Variants in C2CD3 observed in about 807,000 individuals in gnomAD.
C2CD3 encodes C2 domain-containing protein 3.
A neutral mutation model predicts 234.0 loss-of-function variants in C2CD3; 148 were observed. The observed-to-expected ratio is 0.63, with a 90% CI of 0.55 to 0.72. The LOEUF is 0.72. Ranked by LOEUF, C2CD3 falls within the 30% of genes least tolerant of loss-of-function variation. The pLI is 0.00. For missense variants in C2CD3, 2,577 were observed against 2,811.5 expected, an observed-to-expected ratio of 0.92 and a Z score of 1.89; for synonymous variants, 1,000 against 1,035.4, an observed-to-expected ratio of 0.97 and a Z score of 0.66.
At chr11:74,141,351 G>C (rs1468946154) in intron 3 of C2CD3, among the ~76,000 whole-genome samples, 1 of 152,208 alleles carries the variant, frequency 6.6e-6, no homozygotes, top group Non-Finnish European at 1.5e-5. Context: ...TATGTGCAGT[G>C]ATCACTGTTA....
intron 1 of C2CD3, 50 bp from the exon 2 acceptor site, chr11:74,168,663 A>C (rs1222209532): frequency 6.6e-7 from 1 of 1,510,306 alleles, no homozygotes; most frequent in East Asian, 2.3e-5. Flanking sequence ...TAAATATAGA[A>C]AACATATAAT....
chr11:74,145,201 C>T (rs576467586), intron 3 of C2CD3, among the ~76,000 whole-genome samples: 7 of 152,282 alleles, frequency 4.6e-5, no homozygotes, highest in African/African-American at 1.2e-4. Context: ...TATAAGCATT[C>T]GCTTTTCTCT....
intron 2 of C2CD3, 99 bp downstream of exon 2, chr11:74,168,245 T>G: frequency 1.1e-6 from 1 of 912,904 alleles, no homozygotes; most frequent in South Asian, 1.6e-5. Context: ...TAATTAAGAA[T>G]GCCCATATAT....
chr11:74,131,661 T>C (rs528251382), intron 7 of C2CD3, among the ~76,000 whole-genome samples: 4 of 151,980 alleles, frequency 2.6e-5, no homozygotes, highest in Non-Finnish European at 4.4e-5. Context: ...TCTCGGCTCA[T>C]TGCAACCTCT....
chr11:74,128,168 G>T (rs7935920), intron 7 of C2CD3, among the ~76,000 whole-genome samples: 42,480 of 152,054 alleles, frequency 0.28, 6,972 homozygotes, highest in African/African-American at 0.45. Flanking sequence ...CAGCCATATT[G>T]GCTATCTTAA....
chr11:74,078,729 A>G lies in C2CD3; in HGVS notation c.4001-12T>C, dbSNP rs78570839. 5.4e-4 allele frequency: 840 copies of G among 1,567,492 alleles called. 7 individuals are homozygous for G. The African/African-American group carries it at 8.2e-3, about 15-fold the overall frequency. ...CCATCCTGTGATCCCTTACGGGAGA[A>G]AATAAAGATTCTCAATTATAGTCTT... is the stretch of plus-strand genomic sequence containing the variant. On this transcript the variant is annotated splice_polypyrimidine_tract_variant and intron_variant, in intron 22 of 32. Transcript: ENST00000334126.
chr11:74,131,833 A>G (rs1314621733), intron 7 of C2CD3, among the ~76,000 whole-genome samples: 2 of 152,010 alleles, frequency 1.3e-5, no homozygotes, highest in Non-Finnish European at 2.9e-5. Context: ...TGGCCTCCCA[A>G]AGTGCTGGGA....
intron 24 of C2CD3, among the ~76,000 whole-genome samples, chr11:74,061,061 A>G (rs937611373): frequency 2.0e-5 from 3 of 152,218 alleles, no homozygotes; most frequent in African/African-American, 7.2e-5. Context: ...TGAAGCGAGT[A>G]GAGAAGTTTA....
At position 74,117,866 on chromosome 11, in the gene C2CD3, T is replaced by A. The variant is rs1263379126; in HGVS notation, c.1520+362A>T. On this transcript the variant is annotated intron_variant, in intron 9 of 32. Coordinates refer to ENST00000334126, the MANE Select transcript of C2CD3 (RefSeq NM_001286577.2). ...AGGTGGAGGTTGCGGTGATCTGAGATCGTGCCATTGCACTCCAGTCTGGGA... is the reference window on the plus strand; with the variant it reads ...AGGTGGAGGTTGCGGTGATCTGAGAACGTGCCATTGCACTCCAGTCTGGGA... Among the ~76,000 whole-genome samples, 5 of 149,006 alleles carry A rather than the reference T, an allele frequency of 3.4e-5. No individual in the cohort carries two copies. The Admixed American group carries it at 3.4e-4, about 10-fold the overall frequency.
intron 8 of C2CD3, among the ~76,000 whole-genome samples, chr11:74,121,581 T>A (rs930420781): frequency 1.6e-5 from 2 of 124,538 alleles, no homozygotes; most frequent in Admixed American, 1.1e-4. Flanking sequence ...CACTCCAGAC[T>A]GGGTGACAGA....
intron 20 of C2CD3, among the ~76,000 whole-genome samples, chr11:74,087,350 G>A (rs902438113): frequency 1.3e-5 from 2 of 152,040 alleles, no homozygotes; most frequent in South Asian, 2.1e-4. Context: ...GATCACCTGA[G>A]GTCAAGAGTT....
chr11:74,018,836 C>T (rs1388849355), intron 32 of C2CD3, among the ~76,000 whole-genome samples: 1 of 152,192 alleles, frequency 6.6e-6, no homozygotes, highest in Non-Finnish European at 1.5e-5. Context: ...TGGTCTCATG[C>T]TCTGAGCTCA....
At chr11:74,045,685 C>T (rs918607473) in intron 28 of C2CD3, among the ~76,000 whole-genome samples, 4 of 152,070 alleles carry the variant, frequency 2.6e-5, no homozygotes, top group Admixed American at 6.6e-5. Context: ...AATTCTCCTG[C>T]TTCAGTCTCC....
intron 26 of C2CD3, among the ~76,000 whole-genome samples, chr11:74,053,056 C>T (rs1308581181): frequency 3.9e-5 from 6 of 152,146 alleles, no homozygotes; most frequent in Non-Finnish European, 8.8e-5. Flanking sequence ...CTCAATTTTC[C>T]AAGTTTTCCA....
At chr11:74,038,651 C>T (rs759335698) in intron 29 of C2CD3, among the ~76,000 whole-genome samples, 4 of 152,216 alleles carry the variant, frequency 2.6e-5, no homozygotes, top group Non-Finnish European at 5.9e-5. Flanking sequence ...CAACTCCCTG[C>T]TCTGTTTCTA....
At chr11:74,044,370 G>A (rs1484746774) in intron 28 of C2CD3, among the ~76,000 whole-genome samples, 4 of 151,644 alleles carry the variant, frequency 2.6e-5, no homozygotes, top group South Asian at 2.1e-4. Flanking sequence ...CAGGAGAATC[G>A]CTTGAACCCG....
At chr11:74,013,669 G>C (rs1260058516) in intron 32 of C2CD3, 144 bp from the exon 33 acceptor site, 1 of 443,516 alleles carries the variant, frequency 2.3e-6, no homozygotes, top group African/African-American at 2.0e-5. Context: ...ACCTTATCTT[G>C]CTTGACCCTT....
rs753452565 is a variant in C2CD3, at chr11:74,093,809, A to G, written c.3344+7T>C. ...CTAGGCATAGGACTGGGGTCTCCAC[A>G]CTGTACCTGCACCAGATTTCAAACT... On this transcript the variant is annotated splice_region_variant and intron_variant, in intron 18 of 32. Coordinates refer to ENST00000334126, the MANE Select transcript of C2CD3 (RefSeq NM_001286577.2). 5 of 1,612,732 alleles carry G rather than the reference A, an allele frequency of 3.1e-6. No homozygotes were observed. The highest frequency in any genetic ancestry group is 1.1e-5 in the South Asian group (1 of 91,012).
At position 74,114,362 on chromosome 11, in the gene C2CD3, C is replaced by T. The variant is rs757035434; in HGVS notation, c.1730+22G>A. On this transcript the variant is annotated intron_variant, in intron 10 of 32. Coordinates refer to ENST00000334126, the MANE Select transcript of C2CD3 (RefSeq NM_001286577.2). ...CACTTTCCAAAAATGTCAAATTTAG[C>T]TTTCTCATGTTAGAGACATACCGCT... 4.5e-6 allele frequency: 7 copies of T among 1,571,276 alleles called. No homozygotes were observed. The Admixed American group carries it at 1.2e-4, about 27-fold the overall frequency.
Sources: gnomAD v4.1 joint callset for allele counts (sites outside exome capture counted in the v4.1 genomes callset) on GRCh38, gnomAD v4.1.1 for gene constraint, MANE v1.5 for transcripts, NCBI Gene and HGNC (gene_info 2026-07-23, HGNC 2026-07-21) for gene names.